NHSL1: variants seen among roughly 807,000 people sequenced by gnomAD.
The protein encoded by NHSL1 is NHS-like protein 1.
A neutral mutation model predicts 95.0 loss-of-function variants in NHSL1; 48 were observed. That is an observed-to-expected ratio of 0.51 (90% CI 0.40 to 0.64). NHSL1 has a LOEUF of 0.64. NHSL1 is among the 30% of genes least tolerant of loss of function. The probability of loss-of-function intolerance (pLI) is 0.00; values close to 1 mark genes in which losing one functional copy is unlikely to be tolerated. For synonymous variants in NHSL1, 783 were observed against 833.9 expected (o/e 0.94, Z 1.05); for missense variants, 1,971 against 2,077.7 (o/e 0.95, Z 1.00).
At chr6:138,537,289 C>G (rs1782394987) in intron 1 of NHSL1, among the ~76,000 whole-genome samples, 1 of 152,158 alleles carries the variant, frequency 6.6e-6, no homozygotes, top group African/African-American at 2.4e-5. Context: ...ACATAGCTTT[C>G]AAAATATTTG....
intron 1 of NHSL1, among the ~76,000 whole-genome samples, chr6:138,613,832 G>A (rs1363161316): frequency 2.0e-5 from 3 of 152,156 alleles, no homozygotes; most frequent in Admixed American, 1.3e-4. Context: ...GTCAGTCGTC[G>A]GCCCACATTT....
intron 1 of NHSL1, among the ~76,000 whole-genome samples, chr6:138,533,824 G>A (rs903050786): frequency 6.6e-6 from 1 of 152,144 alleles, no homozygotes; most frequent in Non-Finnish European, 1.5e-5. Context: ...GGGCCAACAG[G>A]CAATGGGCCA....
At chr6:138,689,673 C>T (rs1785635058) in intron 1 of NHSL1, among the ~76,000 whole-genome samples, 1 of 152,104 alleles carries the variant, frequency 6.6e-6, no homozygotes. Context: ...GTTAATTGCT[C>T]CTGGGGAGAC....
In NHSL1 at chr6:138,688,633, G is replaced by T. The variant is rs1562413845; in HGVS notation, c.96+3843C>A. Among the ~76,000 whole-genome samples, 4 of 151,878 alleles carry T rather than the reference G, an allele frequency of 2.6e-5. No individual in the cohort carries two copies. In the South Asian group the frequency reaches 8.3e-4, roughly 32 times the overall value. The stretch of plus-strand genomic sequence containing the variant: ...ACTCCATCCTGGGCGACAGAGTAAG[G>T]CTCCATCTCAAAAAAATTAAAATAA... On this transcript the variant is annotated intron_variant, in intron 1 of 3. Coordinates refer to the NHSL1 transcript ENST00000491526.
intron 5 of NHSL1, among the ~76,000 whole-genome samples, chr6:138,439,054 A>C (rs1170930075): frequency 6.6e-6 from 1 of 152,232 alleles, no homozygotes. Context: ...TTTGGAAATA[A>C]GCATTAAATA....
intron 2 of NHSL1, among the ~76,000 whole-genome samples, chr6:138,477,963 C>A (rs1779175860): frequency 6.7e-6 from 1 of 149,354 alleles, no homozygotes; most frequent in African/African-American, 2.5e-5. Flanking sequence ...CCTTTTTGAG[C>A]CCAGTTTAGA....
intron 1 of NHSL1, among the ~76,000 whole-genome samples, chr6:138,550,776 C>G (rs1782973083): frequency 6.6e-6 from 1 of 152,148 alleles, no homozygotes; most frequent in African/African-American, 2.4e-5. Flanking sequence ...TAGATCAGCT[C>G]AAAATTTGAC....
upstream of NHSL1, among the ~76,000 whole-genome samples, chr6:138,575,832 T>C (rs1054595692): frequency 6.6e-6 from 1 of 152,192 alleles, no homozygotes; most frequent in Admixed American, 6.5e-5. Flanking sequence ...TTTAGTTATG[T>C]GGATTATCAA....
upstream of NHSL1, among the ~76,000 whole-genome samples, chr6:138,692,808 C>A (rs1316529986): frequency 1.3e-5 from 2 of 150,740 alleles, no homozygotes; most frequent in Middle Eastern, 3.2e-3. This position sits in a 1 kb window ranked among gnomAD's most constrained non-coding sequence, Gnocchi z 4.0. Flanking sequence ...GTCTGCCTCC[C>A]GTCGGCGCGG....
chr6:138,500,090 A>T (rs1266488902), upstream of NHSL1, among the ~76,000 whole-genome samples: 1 of 151,894 alleles, frequency 6.6e-6, no homozygotes, highest in Non-Finnish European at 1.5e-5. Context: ...AAGAAAAAAA[A>T]AAATCCACCA....
chr6:138,442,952 C>A (rs9968931), intron 4 of NHSL1, among the ~76,000 whole-genome samples: 2 of 151,810 alleles, frequency 1.3e-5, no homozygotes, highest in Admixed American at 6.6e-5. Flanking sequence ...AAATTACCTG[C>A]CAGTTTAAAG....
intron 1 of NHSL1, among the ~76,000 whole-genome samples, chr6:138,671,177 T>C (rs1251001228): frequency 1.3e-5 from 2 of 151,080 alleles, no homozygotes; most frequent in African/African-American, 4.9e-5. Context: ...TAAAAATAGG[T>C]CGGGCGTGGT....
intron 2 of NHSL1, among the ~76,000 whole-genome samples, chr6:138,485,167 C>G (rs566573492): frequency 6.6e-6 from 1 of 152,260 alleles, no homozygotes; most frequent in East Asian, 1.9e-4. Flanking sequence ...AGATTCTAAG[C>G]CAACACGGGA....
intron 1 of NHSL1, among the ~76,000 whole-genome samples, chr6:138,556,342 T>C (rs1438214122): frequency 6.6e-6 from 1 of 152,170 alleles, no homozygotes; most frequent in African/African-American, 2.4e-5. Flanking sequence ...GAGACTCTTC[T>C]GTCAATTCTT....
At chr6:138,565,136 T>G (rs1783562156) in intron 1 of NHSL1, among the ~76,000 whole-genome samples, 1 of 152,188 alleles carries the variant, frequency 6.6e-6, no homozygotes, top group Non-Finnish European at 1.5e-5. Context: ...AGACAGAGTC[T>G]TGCTCTGTCA....
intron 1 of NHSL1, among the ~76,000 whole-genome samples, chr6:138,512,732 A>C (rs1243037708): frequency 1.3e-5 from 2 of 152,218 alleles, no homozygotes; most frequent in African/African-American, 4.8e-5. Flanking sequence ...AAAGGGGATC[A>C]TTAAGAAGTC....
intron 1 of NHSL1, among the ~76,000 whole-genome samples, chr6:138,645,896 G>A (rs1488514006): frequency 6.6e-6 from 1 of 152,172 alleles, no homozygotes; most frequent in Admixed American, 6.5e-5. Flanking sequence ...TTTAAAAGGT[G>A]TCTGGCAGAA....
chr6:138,510,615 C>T (rs1001284201), intron 1 of NHSL1, among the ~76,000 whole-genome samples: 5 of 152,116 alleles, frequency 3.3e-5, no homozygotes, highest in Non-Finnish European at 7.4e-5. Flanking sequence ...AGAAGCTCAG[C>T]CTGACCTAAG....
upstream of NHSL1, among the ~76,000 whole-genome samples, chr6:138,576,059 T>C (rs1324347468): frequency 1.3e-5 from 2 of 152,172 alleles, no homozygotes; most frequent in Non-Finnish European, 2.9e-5. Flanking sequence ...TGGCGCGATC[T>C]TGTCTCATTG....
Sources: gnomAD v4.1 joint callset for allele counts (sites outside exome capture counted in the v4.1 genomes callset) on GRCh38, gnomAD v4.1.1 for gene constraint, Gnocchi (gnomAD v3.1) non-coding constraint, MANE v1.5 for transcripts, NCBI Gene and HGNC (gene_info 2026-07-23, HGNC 2026-07-21) for gene names.